The following CTNND2 variants were observed in gnomAD, a reference collection of about 807,000 sequenced individuals.
The protein encoded by CTNND2 is catenin delta-2.
Under a neutral mutation model 144.4 loss-of-function variants are expected in CTNND2, and 22 were observed. That is an observed-to-expected ratio of 0.15 (90% CI 0.11 to 0.22). CTNND2 has a LOEUF of 0.22. Among genes scored for constraint, CTNND2 ranks in the 10% least tolerant of loss-of-function variants. The pLI is 1.00. For missense variants in CTNND2, 1,353 were observed against 1,618.8 expected, an observed-to-expected ratio of 0.84 and a Z score of 2.82; for synonymous variants, 751 against 695.6, an observed-to-expected ratio of 1.08 and a Z score of -1.25.
At chr5:11,613,879 C>G (rs572067236) in intron 2 of CTNND2, among the ~76,000 whole-genome samples, 3 of 152,292 alleles carry the variant, frequency 2.0e-5, no homozygotes, top group African/African-American at 7.2e-5. Context: ...ATCTGACTCC[C>G]GAACAAAACC....
At chr5:11,520,510 G>C (rs1304426498) in intron 3 of CTNND2, among the ~76,000 whole-genome samples, 1 of 152,248 alleles carries the variant, frequency 6.6e-6, no homozygotes, top group Non-Finnish European at 1.5e-5. Flanking sequence ...AAGTGACTGC[G>C]TTCTCAGTAG....
intron 12 of CTNND2, among the ~76,000 whole-genome samples, chr5:11,124,346 G>A (rs1411455366): frequency 1.3e-5 from 2 of 152,124 alleles, no homozygotes; most frequent in Non-Finnish European, 2.9e-5. Context: ...TCCTTTCTGT[G>A]GAGAACATCC....
intron 2 of CTNND2, among the ~76,000 whole-genome samples, chr5:11,679,168 G>A (rs755679930): frequency 6.6e-6 from 1 of 151,928 alleles, no homozygotes; most frequent in African/African-American, 2.4e-5. Flanking sequence ...CAGTCATGAG[G>A]CACACCCCTA....
intron 1 of CTNND2, among the ~76,000 whole-genome samples, chr5:11,794,082 T>C (rs932546153): frequency 3.3e-5 from 5 of 152,234 alleles, no homozygotes; most frequent in Non-Finnish European, 5.9e-5. Context: ...CAGTGTACCA[T>C]ATCACACCTT....
intron 9 of CTNND2, among the ~76,000 whole-genome samples, chr5:11,335,847 G>A (rs1753676765): frequency 6.6e-6 from 1 of 151,972 alleles, no homozygotes; most frequent in African/African-American, 2.4e-5. Context: ...ACTGATTGTG[G>A]GCCAAGTCTT....
intron 16 of CTNND2, among the ~76,000 whole-genome samples, chr5:11,075,585 T>C (rs1748859115): frequency 6.6e-6 from 1 of 152,218 alleles, no homozygotes; most frequent in African/African-American, 2.4e-5. Context: ...GCTAGGAGGA[T>C]GCTTGCAGCA....
At chr5:11,460,528 C>T (rs1766106230) in intron 3 of CTNND2, among the ~76,000 whole-genome samples, 1 of 152,180 alleles carries the variant, frequency 6.6e-6, no homozygotes, top group Non-Finnish European at 1.5e-5. Flanking sequence ...ATGCTGTCCC[C>T]ACTAACTGAG....
At chr5:11,201,904 T>TA (rs1737481150) in intron 10 of CTNND2, among the ~76,000 whole-genome samples, 1 of 152,240 alleles carries the variant, frequency 6.6e-6, no homozygotes, top group African/African-American at 2.4e-5. Context: ...TATAGGTGTC[T>TA]TGTTCATGTA....
chr5:11,429,854 C>T (rs1398769473), intron 3 of CTNND2, among the ~76,000 whole-genome samples: 1 of 152,102 alleles, frequency 6.6e-6, no homozygotes. Context: ...CTGAGTTTTC[C>T]TTCATTTTCT....
chr5:11,038,082 T>A (rs994914446), intron 16 of CTNND2, among the ~76,000 whole-genome samples: 4 of 152,176 alleles, frequency 2.6e-5, no homozygotes, highest in African/African-American at 9.6e-5. Context: ...GGAAATATAA[T>A]GTAATTAGAC....
intron 12 of CTNND2, among the ~76,000 whole-genome samples, chr5:11,141,577 G>A (rs900849222): frequency 2.6e-5 from 4 of 152,214 alleles, no homozygotes; most frequent in Admixed American, 2.6e-4. Flanking sequence ...GTTTGGATAT[G>A]CAAGAAGGCC....
intron 2 of CTNND2, among the ~76,000 whole-genome samples, chr5:11,634,858 G>T (rs1488160250): frequency 3.9e-5 from 6 of 152,100 alleles, no homozygotes; most frequent in Non-Finnish European, 7.4e-5. Flanking sequence ...GTATCAGATG[G>T]TGTGAATAAG....
At chr5:11,696,085 G>C (rs1785125430) in intron 2 of CTNND2, among the ~76,000 whole-genome samples, 1 of 152,058 alleles carries the variant, frequency 6.6e-6, no homozygotes, top group Non-Finnish European at 1.5e-5. Context: ...TTAACTGTCA[G>C]CACACTCTTT....
intron 2 of CTNND2, among the ~76,000 whole-genome samples, chr5:11,646,844 C>G (rs768580620): frequency 7.2e-5 from 11 of 152,148 alleles, no homozygotes; most frequent in Non-Finnish European, 1.5e-4. Context: ...CCTCCTTCTG[C>G]AACCAGGTGG....
intron 2 of CTNND2, among the ~76,000 whole-genome samples, chr5:11,669,899 T>C (rs1783785212): frequency 1.3e-5 from 2 of 152,192 alleles, no homozygotes; most frequent in Non-Finnish European, 2.9e-5. Context: ...TGCTTTAAGT[T>C]TTCCGCTACA....
intron 2 of CTNND2, among the ~76,000 whole-genome samples, chr5:11,642,902 T>C (rs1297747368): frequency 6.6e-6 from 1 of 152,196 alleles, no homozygotes; most frequent in East Asian, 1.9e-4. Flanking sequence ...TCCTGCTATG[T>C]GGTCAATCCC....
intron 9 of CTNND2, among the ~76,000 whole-genome samples, chr5:11,238,647 T>G (rs1459530101): frequency 6.6e-6 from 1 of 152,194 alleles, no homozygotes; most frequent in Non-Finnish European, 1.5e-5. Context: ...TAATGTGCAC[T>G]GAGCATTTTA....
At chr5:11,659,278 CA>C (rs1783065236) in intron 2 of CTNND2, among the ~76,000 whole-genome samples, 1 of 152,008 alleles carries the variant, frequency 6.6e-6, no homozygotes, top group Non-Finnish European at 1.5e-5. Context: ...AGGTTATATG[CA>C]AATACCACAT....
chr5:11,634,867 A>T (rs1056027877), intron 2 of CTNND2, among the ~76,000 whole-genome samples: 53 of 152,148 alleles, frequency 3.5e-4, no homozygotes, highest in African/African-American at 1.3e-3. Flanking sequence ...GGTGTGAATA[A>T]GTCAAGTAGC....
Sources: allele counts gnomAD v4.1 joint callset (sites outside exome capture counted in the v4.1 genomes callset), GRCh38; gene constraint gnomAD v4.1.1; transcripts MANE v1.5; gene names NCBI Gene and HGNC (gene_info 2026-07-23, HGNC 2026-07-21).